The following SHISA9 variants were observed in gnomAD, a reference collection of about 807,000 sequenced individuals.
The protein encoded by SHISA9 is shisa family member 9.
Under a neutral mutation model 38.0 loss-of-function variants are expected in SHISA9, and 13 were observed. That is an observed-to-expected ratio of 0.34 (90% CI 0.22 to 0.54). The LOEUF (loss-of-function observed/expected upper bound fraction) is 0.54. Among genes scored for constraint, SHISA9 ranks in the 20% least tolerant of loss-of-function variants. The pLI, the probability that SHISA9 is intolerant of heterozygous loss-of-function variation, is 0.91. For missense variants in SHISA9, 538 were observed against 575.8 expected (o/e 0.93, Z 0.67); for synonymous variants, 275 against 242.0 (o/e 1.14, Z -1.27).
At chr16:13,302,299 G>C in the SHISA9 span, among the ~76,000 whole-genome samples, 5 of 152,288 alleles carry the variant, frequency 3.3e-5, no homozygotes, top group East Asian at 7.7e-4. Context: ...ATGTGTGCCT[G>C]TGAGTGCATG....
chr16:13,447,888 G>C, the SHISA9 span, among the ~76,000 whole-genome samples: 1 of 152,196 alleles, frequency 6.6e-6, no homozygotes, highest in Non-Finnish European at 1.5e-5. Flanking sequence ...ATTATTGCAT[G>C]CCCTTCATTT....
the SHISA9 span, among the ~76,000 whole-genome samples, chr16:13,285,468 T>C: frequency 6.7e-6 from 1 of 148,524 alleles, no homozygotes; most frequent in Non-Finnish European, 1.5e-5. Context: ...TGTAGTTTTT[T>C]TTTTTTTTTT....
the SHISA9 span, among the ~76,000 whole-genome samples, chr16:13,487,126 G>A: frequency 3.3e-5 from 5 of 152,142 alleles, no homozygotes; most frequent in African/African-American, 1.2e-4. Context: ...TTCATTGCTT[G>A]TACAGTCATC....
the SHISA9 span, among the ~76,000 whole-genome samples, chr16:13,392,846 C>T: frequency 6.6e-6 from 1 of 152,198 alleles, no homozygotes; most frequent in African/African-American, 2.4e-5. Context: ...CTGCAAAGCA[C>T]GAGAAGCTAA....
At chr16:13,058,491 A>G (rs1259368183) in intron 2 of SHISA9, among the ~76,000 whole-genome samples, 1 of 152,174 alleles carries the variant, frequency 6.6e-6, no homozygotes, top group Non-Finnish European at 1.5e-5. Context: ...CACAACTACC[A>G]TGACTTACCA....
At chr16:13,473,470 C>T in the SHISA9 span, among the ~76,000 whole-genome samples, 1 of 150,024 alleles carries the variant, frequency 6.7e-6, no homozygotes, top group Admixed American at 6.7e-5. Flanking sequence ...ATCAAAGTTC[C>T]CTTTGGAATT....
chr16:13,015,106 G>A (rs1008991209), intron 2 of SHISA9, among the ~76,000 whole-genome samples: 21 of 152,188 alleles, frequency 1.4e-4, no homozygotes, highest in African/African-American at 5.1e-4. Flanking sequence ...TGTACGCTCT[G>A]TAGTTAGGAG....
At chr16:13,167,072 C>CTTTTTTT (rs11372669) in intron 2 of SHISA9, among the ~76,000 whole-genome samples, 1 of 124,430 alleles carries the variant, frequency 8.0e-6, no homozygotes, top group Non-Finnish European at 1.7e-5. Flanking sequence ...TCTCTTTTTT[C>CTTTTTTT]TTTTTTTTTT....
At chr16:13,344,104 A>G in the SHISA9 span, among the ~76,000 whole-genome samples, 3 of 152,206 alleles carry the variant, frequency 2.0e-5, no homozygotes, top group African/African-American at 7.2e-5. Context: ...TGACAATTTC[A>G]TCACCAATGT....
intron 2 of SHISA9, among the ~76,000 whole-genome samples, chr16:13,061,909 A>T (rs2073380878): frequency 6.6e-6 from 1 of 152,130 alleles, no homozygotes; most frequent in South Asian, 2.1e-4. Flanking sequence ...TTCTAAGCAG[A>T]CGGAAGAGCC....
intron 2 of SHISA9, among the ~76,000 whole-genome samples, chr16:13,121,828 C>T (rs1286433162): frequency 1.3e-4 from 12 of 94,774 alleles, no homozygotes; most frequent in Admixed American, 1.2e-3. Flanking sequence ...CACCTATACA[C>T]ACATACACAC....
chr16:13,412,441 C>T, the SHISA9 span, among the ~76,000 whole-genome samples: 1 of 152,120 alleles, frequency 6.6e-6, no homozygotes, highest in Non-Finnish European at 1.5e-5. Flanking sequence ...ATTCCTTCCC[C>T]TTTCCTACGT....
At chr16:13,090,625 C>T (rs59506369) in intron 2 of SHISA9, among the ~76,000 whole-genome samples, 3,270 of 151,312 alleles carry the variant, frequency 0.022, 129 homozygotes, top group African/African-American at 0.075. Flanking sequence ...GATTGCAACT[C>T]CTGCTGTTTT....
At chr16:12,976,447 C>T (rs1170294477) in intron 2 of SHISA9, among the ~76,000 whole-genome samples, 1 of 152,048 alleles carries the variant, frequency 6.6e-6, no homozygotes, top group Non-Finnish European at 1.5e-5. Context: ...TTCTTTTGAG[C>T]CATTGACATG....
intron 2 of SHISA9, among the ~76,000 whole-genome samples, chr16:12,947,592 G>A (rs937662687): frequency 6.6e-6 from 1 of 152,202 alleles, no homozygotes; most frequent in African/African-American, 2.4e-5. Flanking sequence ...GAGACATCAC[G>A]TGGTGGCTAA....
At chr16:13,403,440 T>C in the SHISA9 span, among the ~76,000 whole-genome samples, 4 of 152,210 alleles carry the variant, frequency 2.6e-5, no homozygotes, top group Non-Finnish European at 5.9e-5. Context: ...GATGATTGGA[T>C]GAATGAGTGA....
intron 2 of SHISA9, among the ~76,000 whole-genome samples, chr16:13,009,453 G>A (rs1223586443): frequency 1.3e-5 from 2 of 152,104 alleles, no homozygotes; most frequent in African/African-American, 4.8e-5. Context: ...GAAGGTCTCC[G>A]TTCTGGAACT....
At chr16:13,008,429 G>A (rs2072625233) in intron 2 of SHISA9, among the ~76,000 whole-genome samples, 2 of 152,056 alleles carry the variant, frequency 1.3e-5, no homozygotes, top group South Asian at 4.1e-4. Context: ...GTATGGTTTG[G>A]CCCTGTGTCC....
the SHISA9 span, among the ~76,000 whole-genome samples, chr16:13,429,171 T>A: frequency 6.6e-6 from 1 of 152,100 alleles, no homozygotes; most frequent in Admixed American, 6.5e-5. Context: ...AGGTGAGAAA[T>A]AACAAAGATC....
Sources: gnomAD v4.1 joint callset for allele counts (sites outside exome capture counted in the v4.1 genomes callset) on GRCh38, gnomAD v4.1.1 for gene constraint, MANE v1.5 for transcripts, NCBI Gene and HGNC (gene_info 2026-07-23, HGNC 2026-07-21) for gene names.